Variants in PCDH15 observed in about 807,000 individuals in gnomAD.
PCDH15 encodes protocadherin-15.
PCDH15 carries 129 observed loss-of-function variants against 178.5 expected under a neutral mutation model. The ratio of observed to expected loss-of-function variants is 0.72; its 90% CI spans 0.63 to 0.84. The LOEUF is 0.84. PCDH15 is among the 40% of genes least tolerant of loss of function. The pLI is 0.00. For missense variants in PCDH15, 2,230 were observed against 2,099.9 expected, an observed-to-expected ratio of 1.06 and a Z score of -1.21; for synonymous variants, 800 against 732.0, an observed-to-expected ratio of 1.09 and a Z score of -1.50.
chr10:54,756,082 C>A (rs1290074080), intron 1 of PCDH15, among the ~76,000 whole-genome samples: 1 of 148,684 alleles, frequency 6.7e-6, no homozygotes, highest in African/African-American at 2.5e-5. Context: ...CACACACACA[C>A]ACACACACAC....
chr10:54,192,255 A>T (rs903777035), intron 11 of PCDH15, among the ~76,000 whole-genome samples: 2 of 151,748 alleles, frequency 1.3e-5, no homozygotes, highest in Admixed American at 1.3e-4. Context: ...AGAGGAAGGA[A>T]GGATGTAGTT....
At chr10:54,983,258 A>T (rs1299088568) in intron 2 of PCDH15, among the ~76,000 whole-genome samples, 1 of 152,156 alleles carries the variant, frequency 6.6e-6, no homozygotes, top group Non-Finnish European at 1.5e-5. Flanking sequence ...AGCATAATCA[A>T]ATAAGACTAA....
intron 20 of PCDH15, among the ~76,000 whole-genome samples, chr10:54,017,280 CT>C (rs1226442040): frequency 1.3e-5 from 2 of 152,146 alleles, no homozygotes. Flanking sequence ...CCACCTTGGT[CT>C]CCCAAAGTGT....
At chr10:55,321,094 G>A (rs548116942), upstream of PCDH15, among the ~76,000 whole-genome samples, 2 of 150,266 alleles carry the variant, frequency 1.3e-5, no homozygotes, top group Non-Finnish European at 3.0e-5. Flanking sequence ...AAAGAAAGAA[G>A]GAAGGAAGGA....
At chr10:54,261,991 G>C (rs528564078) in intron 8 of PCDH15, among the ~76,000 whole-genome samples, 11 of 152,266 alleles carry the variant, frequency 7.2e-5, no homozygotes, top group Non-Finnish European at 1.5e-4. Flanking sequence ...TAGACACCAG[G>C]ACTGGCCCAT....
At chr10:55,048,009 A>T (rs1476754306) in intron 2 of PCDH15, among the ~76,000 whole-genome samples, 1 of 151,860 alleles carries the variant, frequency 6.6e-6, no homozygotes, top group Non-Finnish European at 1.5e-5. Flanking sequence ...ATGCAGGGTT[A>T]CTATTTAAAT....
chr10:54,121,698 T>A (rs115061671), intron 15 of PCDH15, among the ~76,000 whole-genome samples: 2,956 of 151,886 alleles, frequency 0.019, 34 homozygotes, highest in South Asian at 0.034. Context: ...TACTAGAAAA[T>A]CTAGAGGAAA....
chr10:54,871,805 A>G (rs1289784629), intron 3 of PCDH15, among the ~76,000 whole-genome samples: 3 of 152,018 alleles, frequency 2.0e-5, no homozygotes, highest in Admixed American at 1.3e-4. Flanking sequence ...ATTACAAACT[A>G]CCCCAATACA....
In PCDH15 at chr10:55,359,318, T is replaced by C. The variant is rs1281166369; in HGVS notation, c.-155-192667A>G. Among the ~76,000 whole-genome samples, 9 of 152,196 alleles carry C rather than the reference T, an allele frequency of 5.9e-5. No homozygotes were observed. In the East Asian group the frequency reaches 1.7e-3, roughly 29 times the overall value. On this transcript the variant is annotated intron_variant, in intron 2 of 5. Transcript: ENST00000613346. ...TTTGTATAAATTTTAAAATGTGCTATAATTATGCTCCATATTTATCTTCTC... is the reference window on the plus strand; with the variant it reads ...TTTGTATAAATTTTAAAATGTGCTACAATTATGCTCCATATTTATCTTCTC...
At chr10:53,997,244 C>T (rs887038390) in intron 20 of PCDH15, among the ~76,000 whole-genome samples, 1 of 152,044 alleles carries the variant, frequency 6.6e-6, no homozygotes, top group Non-Finnish European at 1.5e-5. Context: ...AGAATCTGAA[C>T]AAGTAAATGA....
chr10:55,219,651 G>A (rs1840812421), intron 1 of PCDH15, among the ~76,000 whole-genome samples: 1 of 151,610 alleles, frequency 6.6e-6, no homozygotes, highest in African/African-American at 2.4e-5. Flanking sequence ...GTAAATGGCA[G>A]TGTCACAAAA....
chr10:54,322,161 G>T (rs1485294782), intron 7 of PCDH15, among the ~76,000 whole-genome samples: 2 of 151,698 alleles, frequency 1.3e-5, no homozygotes, highest in South Asian at 2.1e-4. Flanking sequence ...ACTGCTCAAG[G>T]CTCTTCTGAG....
At chr10:54,212,003 G>GGCCT (rs1016239535) in intron 10 of PCDH15, among the ~76,000 whole-genome samples, 1 of 151,638 alleles carries the variant, frequency 6.6e-6, no homozygotes, top group African/African-American at 2.4e-5. Flanking sequence ...AAAAATCTGT[G>GGCCT]GCCTATTGTA....
intron 8 of PCDH15, among the ~76,000 whole-genome samples, chr10:54,246,715 A>G (rs539518966): frequency 6.6e-6 from 1 of 152,036 alleles, no homozygotes; most frequent in South Asian, 2.1e-4. Context: ...GTTGCAGAGT[A>G]TGTATACATT....
intron 25 of PCDH15, among the ~76,000 whole-genome samples, chr10:53,935,176 TA>T (rs143575873): frequency 0.035 from 5,373 of 152,096 alleles, 289 homozygotes; most frequent in African/African-American, 0.12. Context: ...AAATTTAATT[TA>T]AAAAAAGAAA....
chr10:54,244,049 T>A (rs913629045), intron 8 of PCDH15, among the ~76,000 whole-genome samples: 1 of 152,150 alleles, frequency 6.6e-6, no homozygotes, highest in South Asian at 2.1e-4. Flanking sequence ...TTCATGAAAA[T>A]CATAACAATT....
intron 3 of PCDH15, among the ~76,000 whole-genome samples, chr10:54,515,576 A>G (rs971436401): frequency 3.3e-5 from 5 of 152,236 alleles, no homozygotes; most frequent in Non-Finnish European, 4.4e-5. Context: ...AAACAAAAAG[A>G]CAGCAGTAAC....
chr10:55,268,147 T>A (rs1464281806), intron 1 of PCDH15, among the ~76,000 whole-genome samples: 4 of 152,194 alleles, frequency 2.6e-5, no homozygotes, highest in African/African-American at 9.6e-5. Context: ...ATTACAATTA[T>A]TAGTACTGCT....
At chr10:54,968,689 G>A (rs933557158) in intron 2 of PCDH15, among the ~76,000 whole-genome samples, 4 of 152,070 alleles carry the variant, frequency 2.6e-5, no homozygotes, top group African/African-American at 9.7e-5. Flanking sequence ...GTCGAATCTG[G>A]AAATTTGCAG....
Sources: gnomAD v4.1 joint callset for allele counts (sites outside exome capture counted in the v4.1 genomes callset) on GRCh38, gnomAD v4.1.1 for gene constraint, MANE v1.5 for transcripts, NCBI Gene and HGNC (gene_info 2026-07-23, HGNC 2026-07-21) for gene names.